The following XKR5 variants were observed in gnomAD, a reference collection of about 807,000 sequenced individuals.
XKR5 encodes the protein XK related 5.
In XKR5, 46 loss-of-function variants were observed where a neutral mutation model predicts 40.8. The observed-to-expected ratio is 1.13, with a 90% CI of 0.89 to 1.44. The LOEUF (loss-of-function observed/expected upper bound fraction) is 1.44. Among genes scored for constraint, XKR5 ranks in the 40% most tolerant of loss-of-function variants. The probability of loss-of-function intolerance (pLI) is 0.00; values close to 1 mark genes in which losing one functional copy is unlikely to be tolerated. For missense variants in XKR5, 1,169 were observed against 844.7 expected, an observed-to-expected ratio of 1.38 and a Z score of -4.76; for synonymous variants, 466 against 356.1, an observed-to-expected ratio of 1.31 and a Z score of -3.48.
chr8:6,822,911 G>T (rs1220567177), intron 4 of XKR5, among the ~76,000 whole-genome samples: 1 of 152,240 alleles, frequency 6.6e-6, no homozygotes, highest in Non-Finnish European at 1.5e-5. Flanking sequence ...GAAGCTATGT[G>T]CAGTATGACA....
intron 3 of XKR5, 106 bp from the exon 4 acceptor site, chr8:6,823,836 G>T (rs905669499): frequency 1.6e-5 from 16 of 979,480 alleles, no homozygotes; most frequent in Middle Eastern, 3.2e-4. Flanking sequence ...GTAACCTCTT[G>T]TTAAAGCCTG....
Position 6,811,698 on chromosome 8 carries a change from C to G in XKR5, c.1561G>C (p.Gly521Arg), listed in dbSNP as rs1421466292. 2 of 1,537,670 alleles carry G rather than the reference C, an allele frequency of 1.3e-6. No homozygotes were observed. Among genetic ancestry groups the G allele is most frequent in the South Asian group, 1.2e-5 (1 of 84,058 alleles). Residue 521 changes from glycine (G) to arginine (R), a missense_variant, in exon 7 of 7, where the codon GGG becomes CGG. Coordinates refer to ENST00000618742, the MANE Select transcript of XKR5 (RefSeq NM_207411.5). ...CCACCTGTCCCCTTCCCCTGTGTCCCAGAAACAGCGTCAGCTCCTTCCTTT... is the reference window on the plus strand; with the variant it reads ...CCACCTGTCCCCTTCCCCTGTGTCCGAGAAACAGCGTCAGCTCCTTCCTTT... ...TPKEGADAVS[G>R]TQGKGTGGQQ...
At position 6,821,858 on chromosome 8, in the gene XKR5, G is replaced by A. The variant is rs768731798; in HGVS notation, c.807+11C>T. On this transcript the variant is annotated intron_variant, in intron 5 of 6. Coordinates refer to ENST00000618742, the MANE Select transcript of XKR5 (RefSeq NM_207411.5). ...ACTGTAAAAGTTAGGATAAAGAAAAGTGCCACTTGCCATGTAGAACGTGAC... is the reference window on the plus strand; with the variant it reads ...ACTGTAAAAGTTAGGATAAAGAAAAATGCCACTTGCCATGTAGAACGTGAC... 1 of 1,611,472 alleles carries A rather than the reference G, an allele frequency of 6.2e-7. No homozygotes were observed. The highest frequency in any genetic ancestry group is 8.5e-7 in the Non-Finnish European group (1 of 1,178,744).
chr8:6,827,869 C>T (rs1039332424), intron 2 of XKR5, among the ~76,000 whole-genome samples: 2 of 152,024 alleles, frequency 1.3e-5, no homozygotes, highest in Non-Finnish European at 2.9e-5. Flanking sequence ...AGTTTGAGAC[C>T]AGCCCTGGCA....
At chr8:6,822,121 A>T in intron 4 of XKR5, 83 bp from the exon 5 acceptor site, 1 of 1,393,846 alleles carries the variant, frequency 7.2e-7, no homozygotes, top group Non-Finnish European at 9.6e-7. Flanking sequence ...AGGGGCTGGA[A>T]GGCTCTCCGA....
At chr8:6,832,656 G>T in intron 2 of XKR5, 61 bp downstream of exon 2, 1 of 1,586,284 alleles carries the variant, frequency 6.3e-7, no homozygotes, top group Non-Finnish European at 8.6e-7. Flanking sequence ...ATGGAGAGAA[G>T]ATTCCTCTCA....
intron 1 of XKR5, 52 bp downstream of exon 1, chr8:6,835,384 G>A: frequency 7.3e-7 from 1 of 1,366,102 alleles, no homozygotes; most frequent in Non-Finnish European, 9.4e-7. Flanking sequence ...CCGGCGCCGG[G>A]GTGGGGTTAG....
At chr8:6,817,861 A>T (rs1804033908) in intron 5 of XKR5, among the ~76,000 whole-genome samples, 1 of 152,206 alleles carries the variant, frequency 6.6e-6, no homozygotes, top group Non-Finnish European at 1.5e-5. Context: ...GCCTCCTGTC[A>T]TAAAGAAATG....
chr8:6,825,883 C>T (rs1008491242), intron 2 of XKR5, among the ~76,000 whole-genome samples: 6 of 152,282 alleles, frequency 3.9e-5, no homozygotes, highest in Middle Eastern at 3.4e-3. Context: ...GGAGGCTTTG[C>T]TGGGGAGTGG....
At chr8:6,829,932 G>A (rs577572722) in intron 2 of XKR5, among the ~76,000 whole-genome samples, 1 of 138,616 alleles carries the variant, frequency 7.2e-6, no homozygotes, top group African/African-American at 2.7e-5. Context: ...CCGCCTAACG[G>A]GTTCATGCCA....
rs766979048 is a variant in XKR5 at position 6,825,217 on chromosome 8, C to T, written c.375G>A (p.Leu125=). Residue 125 remains leucine, a synonymous_variant, in exon 3 of 7, where the codon CTG becomes CTA. Coordinates refer to ENST00000618742, the MANE Select transcript of XKR5 (RefSeq NM_207411.5). ...CTAGAAAAACATATGTCTGAAGCAG[C>T]AGGTGGGGCCCAGTCTGCAGCAGGG... ...LEALLQTGPH[L]LLQTYVFLAS... is the part of the protein sequence containing the mutation. The T allele has an allele frequency of 1.9e-6, 3 of 1,612,978 alleles. No homozygotes were observed. The highest frequency in any genetic ancestry group is 1.7e-5 in the Admixed American group (1 of 59,858).
At chr8:6,823,080 T>C (rs1804310896) in intron 4 of XKR5, among the ~76,000 whole-genome samples, 1 of 152,194 alleles carries the variant, frequency 6.6e-6, no homozygotes, top group Non-Finnish European at 1.5e-5. Context: ...TGTTGAGGGC[T>C]GGGATGTCTA....
In XKR5 at chr8:6,811,651, T is replaced by TCCTTCCCCTCCTCTCTGCTGC. The variant is rs1384341810; in HGVS notation, c.1587_1607dup (p.Arg532_Gln538dup). On this transcript the variant is annotated inframe_insertion, in exon 7 of 7. Coordinates refer to ENST00000618742, the MANE Select transcript of XKR5 (RefSeq NM_207411.5). Reference sequence around the variant, plus strand: ...TGAAGTACAACGTGGAACTCTGCTGTCCTTCCCCTCCTCTCTGCTGCCCAC... The same window carrying TCCTTCCCCTCCTCTCTGCTGC: ...TGAAGTACAACGTGGAACTCTGCTGTCCTTCCCCTCCTCTCTGCTGCCCTTCCCCTCCTCTCTGCTGCCCAC... 3.9e-6 allele frequency: 6 copies of TCCTTCCCCTCCTCTCTGCTGC among 1,537,628 alleles called. No homozygotes were observed. The South Asian group carries it at 5.9e-5, about 15-fold the overall frequency.
At position 6,809,508 on chromosome 8, in the gene XKR5, C is replaced by G. The variant is rs1803585937; in HGVS notation, c.*1690G>C. ...CTCACTACATTGCCCAGGCTGGTCT[C>G]GAACTTCTGGCCTCAAGTGATCTTC... On this transcript the variant is annotated 3_prime_UTR_variant, in exon 7 of 7. Transcript: ENST00000618742. 1 of 151,984 alleles carries G rather than the reference C, an allele frequency of 6.6e-6. No homozygotes were observed. Among genetic ancestry groups the G allele is most frequent in the Non-Finnish European group, 1.5e-5 (1 of 68,034 alleles). The allele number at this position is 151,984 out of a possible 1,614,324, so 9.4% of individuals were successfully genotyped here. A position where few individuals can be genotyped will look rare whatever the true frequency, so the allele number is the denominator to read the frequency against.
chr8:6,820,461 C>T (rs972848833), intron 5 of XKR5, among the ~76,000 whole-genome samples: 1 of 152,248 alleles, frequency 6.6e-6, no homozygotes, highest in African/African-American at 2.4e-5. Flanking sequence ...GTGACAAATG[C>T]AAGCAAACAA....
chr8:6,831,502 C>T (rs1222797628), intron 2 of XKR5, among the ~76,000 whole-genome samples: 3 of 152,172 alleles, frequency 2.0e-5, no homozygotes, highest in African/African-American at 7.2e-5. Context: ...CGGGACGGCA[C>T]CATTCCCTGC....
At position 6,835,425 on chromosome 8, in the gene XKR5, G is replaced by A; in HGVS notation, c.58+11C>T. ...GCAGGGGTGAGCACAGCCTCGGGCT[G>A]CCGCACTCACGCGCGCTCTGCTCGG... On this transcript the variant is annotated intron_variant, in intron 1 of 6. Coordinates refer to ENST00000618742, the MANE Select transcript of XKR5 (RefSeq NM_207411.5). 3 of 1,476,410 alleles carry A rather than the reference G, an allele frequency of 2.0e-6. No homozygotes were observed. Among genetic ancestry groups the A allele is most frequent in the Non-Finnish European group, 2.7e-6 (3 of 1,120,472 alleles). The allele number at this position is 1,476,410 out of a possible 1,614,324, so 91.5% of individuals were successfully genotyped here.
chr8:6,815,719 A>C (rs903651504), intron 6 of XKR5, 88 bp downstream of exon 6: 1 of 895,634 alleles, frequency 1.1e-6, no homozygotes, highest in East Asian at 2.7e-5. Flanking sequence ...CCACATCTGA[A>C]CTCAGTTTCC....
rs779972080 is a variant in XKR5 at position 6,829,143 on chromosome 8, A to G, written c.242+3574T>C. On this transcript the variant is annotated intron_variant, in intron 2 of 6. Transcript: ENST00000618742. The stretch of plus-strand genomic sequence containing the variant: ...ACTTTTAAATATTAAATCTCCACCC[A>G]TTTATGCTGAACCTGTCTTACATAC... 2.0e-4 allele frequency: 33 copies of G among 166,032 alleles called. 1 individual carries two copies. Among genetic ancestry groups the G allele is most frequent in the Admixed American group, 3.9e-4 (6 of 15,288 alleles). The allele number at this position is 166,032 out of a possible 1,614,324, so 10.3% of individuals were successfully genotyped here. A position where few individuals can be genotyped will look rare whatever the true frequency, so the allele number is the denominator to read the frequency against.
Sources: allele counts gnomAD v4.1 joint callset (sites outside exome capture counted in the v4.1 genomes callset), GRCh38; gene constraint gnomAD v4.1.1; transcripts MANE v1.5; gene names NCBI Gene and HGNC (gene_info 2026-07-23, HGNC 2026-07-21).